The following AKAP10 variants were observed in gnomAD, a reference collection of about 807,000 sequenced individuals.
The protein encoded by AKAP10 is A-kinase anchor protein 10, mitochondrial.
AKAP10 carries 24 observed loss-of-function variants against 80.8 expected under a neutral mutation model. That is an observed-to-expected ratio of 0.30 (90% confidence interval 0.22 to 0.42). The LOEUF (loss-of-function observed/expected upper bound fraction) is 0.42. Among genes scored for constraint, AKAP10 ranks in the 10% least tolerant of loss-of-function variants. AKAP10 has a pLI of 1.00. For missense variants in AKAP10, 661 were observed against 794.9 expected (o/e 0.83, Z 2.03); for synonymous variants, 291 against 277.7 (o/e 1.05, Z -0.48).
chr17:19,974,637 G>A (rs2043542852), intron 1 of AKAP10, among the ~76,000 whole-genome samples: 1 of 151,884 alleles, frequency 6.6e-6, no homozygotes, highest in African/African-American at 2.4e-5. Flanking sequence ...AGTCTGAATC[G>A]AATCCCTAAC....
At chr17:19,928,151 G>A (rs2042894218) in intron 10 of AKAP10, among the ~76,000 whole-genome samples, 2 of 152,134 alleles carry the variant, frequency 1.3e-5, no homozygotes, top group South Asian at 4.1e-4. Flanking sequence ...CTTGAACACA[G>A]GAGGCGGAGG....
At chr17:19,922,930 A>G (rs1049743993) in intron 11 of AKAP10, among the ~76,000 whole-genome samples, 3 of 152,160 alleles carry the variant, frequency 2.0e-5, no homozygotes, top group African/African-American at 4.8e-5. Flanking sequence ...AAACATATAT[A>G]TTTACATTAT....
At chr17:19,919,480 A>C (rs1444061844) in intron 12 of AKAP10, among the ~76,000 whole-genome samples, 1 of 152,050 alleles carries the variant, frequency 6.6e-6, no homozygotes, top group Non-Finnish European at 1.5e-5. Context: ...GGTCAGGAGT[A>C]TGAGACCAGC....
chr17:19,907,218 A>G (rs1426760197), intron 14 of AKAP10, among the ~76,000 whole-genome samples: 1 of 151,768 alleles, frequency 6.6e-6, no homozygotes, highest in African/African-American at 2.4e-5. Context: ...AGGTTTCTCC[A>G]TGTTGGTCAG....
chr17:19,957,460 T>C (rs1234358702), intron 4 of AKAP10, among the ~76,000 whole-genome samples: 1 of 151,660 alleles, frequency 6.6e-6, no homozygotes, highest in African/African-American at 2.4e-5. Context: ...GAGAATGGCA[T>C]GAACCCGGAG....
At chr17:19,970,316 A>C (rs574427287) in intron 1 of AKAP10, among the ~76,000 whole-genome samples, 1 of 152,252 alleles carries the variant, frequency 6.6e-6, no homozygotes, top group African/African-American at 2.4e-5. Context: ...GCCAAAACAA[A>C]CCACCACGGT....
chr17:19,915,964 A>G (rs914004842), intron 12 of AKAP10, among the ~76,000 whole-genome samples: 3 of 152,154 alleles, frequency 2.0e-5, no homozygotes, highest in African/African-American at 4.8e-5. Context: ...AGTCCTTGCC[A>G]TGGTCTCTGG....
At chr17:19,941,557 C>T (rs1274664173) in intron 6 of AKAP10, among the ~76,000 whole-genome samples, 1 of 152,130 alleles carries the variant, frequency 6.6e-6, no homozygotes, top group Non-Finnish European at 1.5e-5. Context: ...CAGACTCAAT[C>T]ACTCCCCAAA....
chr17:19,957,754 C>T (rs2043296610), intron 4 of AKAP10, among the ~76,000 whole-genome samples: 2 of 152,058 alleles, frequency 1.3e-5, no homozygotes, highest in South Asian at 4.1e-4. Context: ...ATGTCAAAAT[C>T]AGTGGAGGGG....
chr17:19,949,460 G>A (rs547743647), intron 4 of AKAP10, among the ~76,000 whole-genome samples: 43 of 152,180 alleles, frequency 2.8e-4, no homozygotes, highest in African/African-American at 1.0e-3. Context: ...AAGAGAAAAA[G>A]TGCAATGTCA....
chr17:19,977,088 T>C (rs1403098892), intron 1 of AKAP10, among the ~76,000 whole-genome samples: 1 of 152,192 alleles, frequency 6.6e-6, no homozygotes, highest in Non-Finnish European at 1.5e-5. Flanking sequence ...TGGGGAACTT[T>C]AGCAATAAGT....
chr17:19,912,327 AG>A (rs2042699764), intron 12 of AKAP10, among the ~76,000 whole-genome samples: 1 of 152,218 alleles, frequency 6.6e-6, no homozygotes, highest in South Asian at 2.1e-4. Context: ...ACCTGAGATC[AG>A]GAGTTCGAGA....
chr17:19,975,466 C>T (rs997448539), intron 1 of AKAP10, among the ~76,000 whole-genome samples: 10 of 152,164 alleles, frequency 6.6e-5, no homozygotes, highest in African/African-American at 1.9e-4. Flanking sequence ...TTTGAACATG[C>T]GATTCCCTGG....
intron 12 of AKAP10, among the ~76,000 whole-genome samples, chr17:19,913,153 GT>G (rs71357404): frequency 0.21 from 22,575 of 108,724 alleles, 2,366 homozygotes; most frequent in African/African-American, 0.41. Flanking sequence ...CTGGCTAATT[GT>G]TTTTTTTTTT....
At chr17:19,947,705 T>C (rs562868163) in intron 4 of AKAP10, among the ~76,000 whole-genome samples, 200 bp from the exon 5 acceptor site, 20 of 152,290 alleles carry the variant, frequency 1.3e-4, no homozygotes, top group Admixed American at 1.0e-3. Flanking sequence ...AAAATGCATA[T>C]GATGAAAAAA....
chr17:19,930,529 T>C (rs2042920849), intron 10 of AKAP10, among the ~76,000 whole-genome samples: 1 of 151,914 alleles, frequency 6.6e-6, no homozygotes, highest in African/African-American at 2.4e-5. Flanking sequence ...ACGCCTGTAA[T>C]CCCAGCACTT....
At chr17:19,920,549 A>T (rs1023566189) in intron 11 of AKAP10, among the ~76,000 whole-genome samples, 1 of 152,178 alleles carries the variant, frequency 6.6e-6, no homozygotes, top group Non-Finnish European at 1.5e-5. Flanking sequence ...ACAAAGTTAA[A>T]AAGCAAAAAG....
chr17:19,939,657 A>G, intron 8 of AKAP10, 56 bp downstream of exon 8: 1 of 1,572,328 alleles, frequency 6.4e-7, no homozygotes, highest in East Asian at 2.3e-5. Context: ...TATTTCCACA[A>G]AACATATCAA....
At chr17:19,940,737 C>T in intron 7 of AKAP10, 150 bp downstream of exon 7, 1 of 851,100 alleles carries the variant, frequency 1.2e-6, no homozygotes, top group Non-Finnish European at 1.7e-6. Flanking sequence ...TATTAAATTA[C>T]TCTTGCCATC....
Sources: allele counts gnomAD v4.1 joint callset (sites outside exome capture counted in the v4.1 genomes callset), GRCh38; gene constraint gnomAD v4.1.1; transcripts MANE v1.5; gene names NCBI Gene and HGNC (gene_info 2026-07-23, HGNC 2026-07-21).